Variants in FAS observed in about 807,000 individuals in gnomAD.
The protein encoded by FAS is tumor necrosis factor receptor superfamily member 6.
A neutral mutation model predicts 33.2 loss-of-function variants in FAS; 5 were observed. The observed-to-expected ratio is 0.15, with a 90% confidence interval of 0.08 to 0.32. The LOEUF is 0.32. Among genes scored for constraint, FAS ranks in the 10% least tolerant of loss-of-function variants. The pLI is 1.00. For synonymous variants in FAS, 131 were observed against 130.7 expected, an observed-to-expected ratio of 1.00 and a Z score of -0.01; for missense variants, 339 against 386.0, an observed-to-expected ratio of 0.88 and a Z score of 1.02.
intron 2 of FAS, among the ~76,000 whole-genome samples, chr10:88,981,425 G>C (rs186902729): frequency 6.6e-6 from 1 of 150,990 alleles, no homozygotes; most frequent in Admixed American, 6.6e-5. Flanking sequence ...ATCTTCCATC[G>C]TCGTGATTTA....
In FAS at chr10:89,000,709, T is replaced by G. The variant is rs571690717; in HGVS notation, c.31-2320T>G. On this transcript the variant is annotated intron_variant, in intron 1 of 8. Coordinates refer to ENST00000652046, the MANE Select transcript of FAS (RefSeq NM_000043.6). ...TTTTTTCTGCAGTAGCTGAGCACAA[T>G]GGTCATATTGAAGAAATTCCCTTGT... 7.9e-5 allele frequency among the ~76,000 whole-genome samples: 12 copies of G among 152,296 alleles called. No individual in the cohort carries two copies. The South Asian group carries it at 2.1e-3, about 26-fold the overall frequency.
rs1425512881 is a variant in FAS at position 89,015,918 on chromosome 10, C to T, written c.*1468C>T. 1 of 297,302 alleles carries T rather than the reference C, an allele frequency of 3.4e-6. No homozygotes were observed. Among genetic ancestry groups the T allele is most frequent in the Non-Finnish European group, 6.4e-6 (1 of 155,830 alleles). 18.4% of individuals were successfully genotyped at this position (297,302 alleles called of 1,614,324 possible). Reference sequence around the variant, plus strand: ...AAGGTACTTCCTTTTTAACCTTAACCCTTTTAGTAGTTAAATAATTATTTC... The same window carrying T: ...AAGGTACTTCCTTTTTAACCTTAACTCTTTTAGTAGTTAAATAATTATTTC... On this transcript the variant is annotated 3_prime_UTR_variant, in exon 9 of 9. Coordinates refer to ENST00000652046, the MANE Select transcript of FAS (RefSeq NM_000043.6).
At chr10:88,965,847 G>A (rs1032084606) in intron 1 of FAS, among the ~76,000 whole-genome samples, 5 of 152,150 alleles carry the variant, frequency 3.3e-5, no homozygotes, top group South Asian at 2.1e-4. Context: ...ATTGATCACC[G>A]TAATGACTAA....
chr10:88,972,900 A>G (rs545344415), intron 1 of FAS, among the ~76,000 whole-genome samples: 44 of 152,286 alleles, frequency 2.9e-4, no homozygotes, highest in African/African-American at 1.0e-3. Context: ...GTAATTTTGT[A>G]GGATACTAGG....
intron 1 of FAS, among the ~76,000 whole-genome samples, chr10:88,996,909 C>T (rs540195672): frequency 4.6e-5 from 7 of 152,150 alleles, no homozygotes; most frequent in South Asian, 2.1e-4. Context: ...CCACGTGGCC[C>T]CTCTGGGCTT....
chr10:88,988,969 C>G (rs539788863), upstream of FAS, among the ~76,000 whole-genome samples: 1 of 152,126 alleles, frequency 6.6e-6, no homozygotes, highest in Non-Finnish European at 1.5e-5. Flanking sequence ...GATAATTAGA[C>G]GTACGTGGGC....
At chr10:89,011,219 G>A (rs574091788) in intron 6 of FAS, among the ~76,000 whole-genome samples, 6 of 152,162 alleles carry the variant, frequency 3.9e-5, no homozygotes, top group Middle Eastern at 6.8e-3. Context: ...CCTCTTCCTC[G>A]GCCTAATTGC....
intron 2 of FAS, 131 bp downstream of exon 2, chr10:89,003,325 A>C (rs909499073): frequency 9.5e-6 from 9 of 951,768 alleles, no homozygotes; most frequent in African/African-American, 3.3e-5. Context: ...GAGAAAAACA[A>C]CTATGAAATT....
At chr10:89,001,247 T>C (rs1208248214) in intron 1 of FAS, among the ~76,000 whole-genome samples, 1 of 149,026 alleles carries the variant, frequency 6.7e-6, no homozygotes, top group African/African-American at 2.5e-5. Context: ...GGCTGTCATT[T>C]CTCACCACTG....
At chr10:88,971,454 C>G (rs1846445532) in intron 1 of FAS, among the ~76,000 whole-genome samples, 2 of 152,198 alleles carry the variant, frequency 1.3e-5, no homozygotes, top group African/African-American at 4.8e-5. Context: ...AAGTTAGGAT[C>G]TGAGTGTTTG....
At chr10:89,008,810 A>C (rs1468518903) in intron 3 of FAS, 79 bp from the exon 4 acceptor site, 2 of 1,325,634 alleles carry the variant, frequency 1.5e-6, no homozygotes, top group African/African-American at 2.9e-5. Context: ...TCAAAAATCC[A>C]TGCAGCTCCT....
intron 1 of FAS, among the ~76,000 whole-genome samples, chr10:88,999,511 G>T (rs562181584): frequency 2.0e-4 from 30 of 152,140 alleles, no homozygotes; most frequent in African/African-American, 7.2e-4. Flanking sequence ...AAAAATACTC[G>T]GTTCAAATGT....
upstream of FAS, chr10:88,989,330 C>T (rs1589436607): frequency 1.6e-5 from 5 of 309,222 alleles, no homozygotes; most frequent in South Asian, 5.2e-5. Context: ...ACCCCTTTTC[C>T]TTCCTTCTTT....
chr10:89,011,836 C>T (rs570766339), intron 6 of FAS, among the ~76,000 whole-genome samples, 163 bp from the exon 7 acceptor site: 14 of 152,262 alleles, frequency 9.2e-5, no homozygotes, highest in African/African-American at 3.1e-4. Context: ...CTTAGTAGTA[C>T]GAAAGTTCCA....
chr10:88,994,595 C>T (rs1847469925), intron 1 of FAS, among the ~76,000 whole-genome samples: 1 of 152,030 alleles, frequency 6.6e-6, no homozygotes, highest in South Asian at 2.1e-4. Context: ...TCTCACCACA[C>T]TAATGTAAAG....
At chr10:88,996,242 C>G (rs1847581541) in intron 1 of FAS, among the ~76,000 whole-genome samples, 1 of 151,598 alleles carries the variant, frequency 6.6e-6, no homozygotes, top group South Asian at 2.1e-4. Context: ...GCCATTCTCA[C>G]AGAGATCATT....
chr10:88,988,027 T>C (rs1300679039), upstream of FAS, among the ~76,000 whole-genome samples: 1 of 152,250 alleles, frequency 6.6e-6, no homozygotes, highest in Non-Finnish European at 1.5e-5. Flanking sequence ...ACTATAACTT[T>C]TTCATGGGTC....
At position 89,009,264 on chromosome 10, in the gene FAS, A is replaced by C. The variant is rs1589479286; in HGVS notation, c.443+267A>C. Among the ~76,000 whole-genome samples the C allele has an allele frequency of 2.0e-5, 3 of 152,360 alleles. No individual in the cohort carries two copies. In the South Asian group the frequency reaches 6.2e-4, roughly 32 times the overall value. ...AGAAGCACAGACAGTCAAGGAAAGC[A>C]ATGGTTATTGTGTTTCAACAGCATG... On this transcript the variant is annotated intron_variant, in intron 4 of 8. Coordinates refer to ENST00000652046, the MANE Select transcript of FAS (RefSeq NM_000043.6).
At chr10:89,006,739 G>T (rs1425641583) in intron 2 of FAS, among the ~76,000 whole-genome samples, 1 of 152,082 alleles carries the variant, frequency 6.6e-6, no homozygotes, top group Non-Finnish European at 1.5e-5. Context: ...GTGATGAAGG[G>T]TTTATCTTAT....
Sources: allele counts gnomAD v4.1 joint callset (sites outside exome capture counted in the v4.1 genomes callset), GRCh38; gene constraint gnomAD v4.1.1; transcripts MANE v1.5; gene names NCBI Gene and HGNC (gene_info 2026-07-23, HGNC 2026-07-21).